Variants in ZNF544 observed in about 807,000 individuals in gnomAD.
The protein encoded by ZNF544 is zinc finger protein AF020591.
A neutral mutation model predicts 13.5 loss-of-function variants in ZNF544; 10 were observed. The observed-to-expected ratio is 0.74, with a 90% CI of 0.46 to 1.25. ZNF544 has a LOEUF of 1.25. ZNF544 is among the 50% of genes most tolerant of loss of function. ZNF544 has a pLI of 0.00. For synonymous variants in ZNF544, 323 were observed against 300.5 expected (o/e 1.07, Z -0.77); for missense variants, 896 against 845.6 (o/e 1.06, Z -0.74).
Position 58,246,766 on chromosome 19 carries a change from G to A in ZNF544, c.216G>A (p.Leu72=). The A allele has an allele frequency of 6.2e-7, 1 of 1,614,124 alleles. No homozygotes were observed. Among genetic ancestry groups the A allele is most frequent in the Non-Finnish European group, 8.5e-7 (1 of 1,179,980 alleles). ...CTCAGCTGGAGCAAGAAGAGGACCT[G>A]TGCAGGGCAGAGCAGGAGGCCCCCC... is the stretch of plus-strand genomic sequence containing the variant. The part of the protein sequence containing the change: ...VISQLEQEED[L]CRAEQEAPRD... The change falls in exon 6 of 7, where the codon CTG becomes CTA. Residue 72 remains leucine, a synonymous_variant. Transcript: ENST00000687789.
chr19:58,267,974 G>A (rs7253344), downstream of ZNF544, among the ~76,000 whole-genome samples: 83,001 of 150,840 alleles, frequency 0.55, 23,196 homozygotes, highest in Middle Eastern at 0.66. Flanking sequence ...GAGCGAGACT[G>A]CGTTTCAAAA....
rs1378987450 is a variant in ZNF544 at position 58,229,505 on chromosome 19, C to T, written c.-194C>T. 6.6e-6 allele frequency: 1 copy of T among 152,334 alleles called. No individual in the cohort carries two copies. The highest frequency in any genetic ancestry group is 6.5e-5 in the Admixed American group (1 of 15,290). The allele number at this position is 152,334 out of a possible 1,614,324, so 9.4% of individuals were successfully genotyped here. A position where few individuals can be genotyped will look rare whatever the true frequency, so the allele number is the denominator to read the frequency against. Reference sequence around the variant, plus strand: ...AGCCTCCTGGCACAGCGGCACCAGGCAGGTGACGCCTATTGGACCCCAGAG... The same window carrying T: ...AGCCTCCTGGCACAGCGGCACCAGGTAGGTGACGCCTATTGGACCCCAGAG... On this transcript the variant is annotated 5_prime_UTR_variant, in exon 2 of 7. Transcript: ENST00000687789.
In ZNF544 at chr19:58,263,183, G is replaced by A. The variant is rs1277739219; in HGVS notation, c.*429G>A. ...CTCTATGAATAACCAAGATGGAGCC[G>A]GGTGCAGTTGCCAACACTTGTAATC... On this transcript the variant is annotated 3_prime_UTR_variant, in exon 7 of 7. Transcript: ENST00000687789. 3.9e-5 allele frequency: 39 copies of A among 995,526 alleles called. No homozygotes were observed. The highest frequency in any genetic ancestry group is 1.0e-3 in the Middle Eastern group (2 of 1,944). 61.7% of individuals were successfully genotyped at this position (995,526 alleles called of 1,614,324 possible).
At chr19:58,241,407 A>G (rs2043826063) in intron 3 of ZNF544, among the ~76,000 whole-genome samples, 1 of 151,036 alleles carries the variant, frequency 6.6e-6, no homozygotes, top group Admixed American at 6.6e-5. Context: ...GTCATAACTT[A>G]TGTTATACTT....
rs145351429 is a variant in ZNF544 at position 58,277,186 on chromosome 19, C to T, written c.355C>T (p.Arg119Ter). 8.2e-5 allele frequency: 101 copies of T among 1,231,656 alleles called. No individual in the cohort carries two copies. The East Asian group carries it at 1.9e-3, about 23-fold the overall frequency. 76.3% of individuals were successfully genotyped at this position (1,231,656 alleles called of 1,614,324 possible). A position where few individuals can be genotyped will look rare whatever the true frequency, so the allele number is the denominator to read the frequency against. The change falls in exon 7 of 7, where the codon CGA becomes TGA. Residue 119 changes from arginine (R) to a stop codon, truncating the protein, a stop_gained. Transcript: ENST00000595981. LOFTEE classifies it high-confidence loss of function. ...CCTAACACCTGCTCCTTCTCAGGAA[C>T]GAGGCCCAGCAAAAAGCAGAGACGG... is the stretch of plus-strand genomic sequence containing the variant.
chr19:58,243,884 C>A, intron 3 of ZNF544, 81 bp from the exon 4 acceptor site: 1 of 1,192,336 alleles, frequency 8.4e-7, no homozygotes, highest in Non-Finnish European at 1.1e-6. Flanking sequence ...TGTGGCCGGC[C>A]CCGCGTTCTC....
At chr19:58,268,059 G>A (rs60973470), downstream of ZNF544, among the ~76,000 whole-genome samples, 5,161 of 152,236 alleles carry the variant, frequency 0.034, 213 homozygotes, top group East Asian at 0.21. Context: ...CAACACTTTG[G>A]GAGGCCGAGG....
intron 4 of ZNF544, among the ~76,000 whole-genome samples, chr19:58,244,509 T>C (rs2044634389): frequency 6.6e-6 from 1 of 152,070 alleles, no homozygotes; most frequent in African/African-American, 2.4e-5. Flanking sequence ...ACAGCCGTTG[T>C]CCGACTGTGT....
chr19:58,255,166 G>A (rs2047009434), intron 6 of ZNF544, among the ~76,000 whole-genome samples: 1 of 149,886 alleles, frequency 6.7e-6, no homozygotes, highest in Non-Finnish European at 1.5e-5. Flanking sequence ...GGGATTACAG[G>A]TGTGAGCCAC....
chr19:58,274,165 A>G (rs1158932771), intron 5 of ZNF544, among the ~76,000 whole-genome samples: 1 of 151,904 alleles, frequency 6.6e-6, no homozygotes, highest in East Asian at 1.9e-4. Flanking sequence ...AAAAAAATTA[A>G]TATATTTTAT....
At position 58,261,389 on chromosome 19, in the gene ZNF544, T is replaced by C; in HGVS notation, c.783T>C (p.Gly261=). Residue 261 remains glycine, a synonymous_variant, in exon 7 of 7, where the codon GGT becomes GGC. Coordinates refer to ENST00000687789, the MANE Select transcript of ZNF544 (RefSeq NM_014480.4). The part of the protein sequence containing the change: ...LNYGSSLCFH[G]RTFSVKKSDD... The stretch of plus-strand genomic sequence containing the variant: ...ATGGTTCCTCCCTTTGTTTTCATGG[T>C]AGAACTTTTTCAGTGAAGAAAAGTG... 1 of 1,614,218 alleles carries C rather than the reference T, an allele frequency of 6.2e-7. No individual in the cohort carries two copies. The highest frequency in any genetic ancestry group is 1.1e-5 in the South Asian group (1 of 91,082).
In ZNF544 at chr19:58,262,553, G is replaced by T; in HGVS notation, c.1947G>T (p.Met649Ile). 2 of 1,614,158 alleles carry T rather than the reference G, an allele frequency of 1.2e-6. No individual in the cohort carries two copies. Among genetic ancestry groups the T allele is most frequent in the South Asian group, 1.1e-5 (1 of 91,090 alleles). Reference sequence around the variant, plus strand: ...TTGCAAGGAGCTCCTACCTTGTGATGCATCAGAGAACTCACACTGGTGAGA... The same window carrying T: ...TTGCAAGGAGCTCCTACCTTGTGATTCATCAGAGAACTCACACTGGTGAGA... ...KAFARSSYLVMHQRTHTGEKP... is the reference protein window; with the variant it reads ...KAFARSSYLVIHQRTHTGEKP... The change falls in exon 7 of 7, where the codon ATG (methionine) becomes ATT (isoleucine). Residue 649 changes from methionine to isoleucine, a missense_variant. Coordinates refer to ENST00000687789, the MANE Select transcript of ZNF544 (RefSeq NM_014480.4).
intron 3 of ZNF544, chr19:58,242,388 A>AT (rs796487364): frequency 0.055 from 29,040 of 529,872 alleles, 7 homozygotes; most frequent in Non-Finnish European, 0.063. Flanking sequence ...ATTCCAGGGA[A>AT]TTTTTTTTTT....
At chr19:58,269,435 CAA>C (rs1159881116) in intron 5 of ZNF544, among the ~76,000 whole-genome samples, 2 of 84,578 alleles carry the variant, frequency 2.4e-5, no homozygotes, top group Admixed American at 1.3e-4. Context: ...GACTCTGTCT[CAA>C]AAAAAAACAA....
intron 5 of ZNF544, among the ~76,000 whole-genome samples, chr19:58,272,491 G>C (rs11667248): frequency 0.12 from 18,415 of 151,782 alleles, 1,533 homozygotes; most frequent in Middle Eastern, 0.27. Context: ...GAGAAGTTGA[G>C]GCTGCAGTGA....
intron 6 of ZNF544, chr19:58,259,291 TAGAATTGGTGCATTA>T (rs2048377179): frequency 6.6e-6 from 1 of 152,216 alleles, no homozygotes; most frequent in South Asian, 2.1e-4. Flanking sequence ...GAAGAAATGG[TAGAATTGGTGCATTA>T]AGAATATGAA....
intron 3 of ZNF544, among the ~76,000 whole-genome samples, chr19:58,235,813 C>T (rs944324225): frequency 1.3e-5 from 2 of 152,178 alleles, no homozygotes; most frequent in Non-Finnish European, 2.9e-5. Flanking sequence ...GTAATCTCAG[C>T]ACTTTGGGAG....
At position 58,246,386 on chromosome 19, in the gene ZNF544, G is replaced by A. The variant is rs147379738; in HGVS notation, c.119G>A (p.Arg40Gln). 11 of 1,613,982 alleles carry A rather than the reference G, an allele frequency of 6.8e-6. No individual in the cohort carries two copies. Among genetic ancestry groups the A allele is most frequent in the African/African-American group, 1.3e-5 (1 of 74,904 alleles). ...QLDLAQRTLY[R>Q]EVTLETWEHI... ...GACCTGGCCCAGAGGACACTGTACCGAGAGGTGACACTGGAGACCTGGGAG... is the reference window on the plus strand; with the variant it reads ...GACCTGGCCCAGAGGACACTGTACCAAGAGGTGACACTGGAGACCTGGGAG... The change falls in exon 5 of 7, where the codon CGA becomes CAA. Residue 40 changes from arginine (R) to glutamine (Q), a missense_variant. Arg to Gln is a conservative substitution (Grantham distance 43, BLOSUM62 1). Coordinates refer to ENST00000687789, the MANE Select transcript of ZNF544 (RefSeq NM_014480.4).
rs1600407946 is a variant in ZNF544 at position 58,263,395 on chromosome 19, T to C, written c.*641T>C. On this transcript the variant is annotated 3_prime_UTR_variant, in exon 7 of 7. Coordinates refer to ENST00000687789, the MANE Select transcript of ZNF544 (RefSeq NM_014480.4). Reference sequence around the variant, plus strand: ...AGGATCACTTGAGCTTGGGAGGCGGTGGTTGCAGTGAGCTGTGATCATGCC... The same window carrying C: ...AGGATCACTTGAGCTTGGGAGGCGGCGGTTGCAGTGAGCTGTGATCATGCC... 1.0e-6 allele frequency: 1 copy of C among 977,940 alleles called. No homozygotes were observed. Among genetic ancestry groups the C allele is most frequent in the East Asian group, 1.2e-4 (1 of 8,602 alleles). The allele number at this position is 977,940 out of a possible 1,614,324, so 60.6% of individuals were successfully genotyped here.
Sources: gnomAD v4.1 joint callset for allele counts (sites outside exome capture counted in the v4.1 genomes callset) on GRCh38, gnomAD v4.1.1 for gene constraint, MANE v1.5 for transcripts, NCBI Gene and HGNC (gene_info 2026-07-23, HGNC 2026-07-21) for gene names.